The following ZNF423 variants were observed in gnomAD, a reference collection of about 807,000 sequenced individuals.
ZNF423 encodes the protein zinc finger protein 423.
A neutral mutation model predicts 95.8 loss-of-function variants in ZNF423; 12 were observed. The observed-to-expected ratio is 0.13, with a 90% CI of 0.08 to 0.20. ZNF423 has a LOEUF of 0.20. Ranked by LOEUF, ZNF423 falls within the 10% of genes least tolerant of loss-of-function variation. ZNF423 has a pLI of 1.00. For synonymous variants in ZNF423, 749 were observed against 711.9 expected, an observed-to-expected ratio of 1.05 and a Z score of -0.83; for missense variants, 1,316 against 1,737.1, an observed-to-expected ratio of 0.76 and a Z score of 4.31.
chr16:49,665,131 T>C (rs1021272835), intron 3 of ZNF423, among the ~76,000 whole-genome samples: 1 of 152,200 alleles, frequency 6.6e-6, no homozygotes, highest in South Asian at 2.1e-4. Context: ...CAACGGTGCA[T>C]TGAGGCCCAA....
chr16:49,519,444 A>C (rs1419243040), intron 7 of ZNF423, among the ~76,000 whole-genome samples: 1 of 152,144 alleles, frequency 6.6e-6, no homozygotes, highest in Non-Finnish European at 1.5e-5. Context: ...AACTCTCAGC[A>C]TTGTGAGTTT....
At chr16:49,605,426 C>G (rs1971507271) in intron 5 of ZNF423, among the ~76,000 whole-genome samples, 1 of 152,186 alleles carries the variant, frequency 6.6e-6, no homozygotes, top group Non-Finnish European at 1.5e-5. Flanking sequence ...TAAAATGGAC[C>G]ACTTAGTCGT....
chr16:49,623,430 A>G (rs2151861175), intron 5 of ZNF423, among the ~76,000 whole-genome samples: 1 of 152,372 alleles, frequency 6.6e-6, no homozygotes, highest in Non-Finnish European at 1.5e-5. Flanking sequence ...ACTAAAGGCA[A>G]GGTAGAAGAG....
intron 5 of ZNF423, among the ~76,000 whole-genome samples, chr16:49,556,418 T>TTG (rs1281224986): frequency 2.6e-5 from 4 of 152,222 alleles, no homozygotes; most frequent in Non-Finnish European, 5.9e-5. Flanking sequence ...TCTCTCACAT[T>TTG]GATTTGCTAG....
intron 5 of ZNF423, among the ~76,000 whole-genome samples, chr16:49,614,696 T>A (rs1224931082): frequency 6.6e-6 from 1 of 152,230 alleles, no homozygotes; most frequent in African/African-American, 2.4e-5. Flanking sequence ...ATGTTACTGT[T>A]GGGAGAAACT....
chr16:49,697,813 G>C (rs939543470), intron 3 of ZNF423, among the ~76,000 whole-genome samples: 1 of 152,242 alleles, frequency 6.6e-6, no homozygotes, highest in Non-Finnish European at 1.5e-5. Flanking sequence ...CCTTACCTAC[G>C]GTGCGGGCAG....
At chr16:49,762,073 A>C (rs1424264041) in intron 2 of ZNF423, among the ~76,000 whole-genome samples, 1 of 152,192 alleles carries the variant, frequency 6.6e-6, no homozygotes, top group Non-Finnish European at 1.5e-5. Context: ...CAGCATCCCA[A>C]AGTGCTGGGA....
At chr16:49,493,428 C>T (rs1967048424) in intron 7 of ZNF423, among the ~76,000 whole-genome samples, 1 of 152,212 alleles carries the variant, frequency 6.6e-6, no homozygotes, top group Admixed American at 6.5e-5. Context: ...GGACCCAGGG[C>T]TGGGCATGCA....
rs1245463089 is a variant in ZNF423 at position 49,549,315 on chromosome 16, C to T, written c.3602-23821G>A. Among the ~76,000 whole-genome samples, 3 of 152,288 alleles carry T rather than the reference C, an allele frequency of 2.0e-5. No individual in the cohort carries two copies. In the East Asian group the frequency reaches 5.8e-4, roughly 30 times the overall value. ...TGGGGGTCTGGGCTGCAACTCAGGC[C>T]ATGCCCCACCCTGCCTGCACCCCCC... On this transcript the variant is annotated intron_variant, in intron 5 of 7. Coordinates refer to ENST00000563137, the MANE Select transcript of ZNF423 (RefSeq NM_001379286.1).
upstream of ZNF423, among the ~76,000 whole-genome samples, chr16:49,858,465 G>T (rs911145007): frequency 4.6e-5 from 7 of 151,954 alleles, no homozygotes; most frequent in African/African-American, 1.4e-4. This position sits in a 1 kb window ranked among gnomAD's most constrained non-coding sequence, Gnocchi z 4.3. Flanking sequence ...AGGCGCGCGC[G>T]CCCTAGGCAG....
intron 3 of ZNF423, among the ~76,000 whole-genome samples, chr16:49,677,228 A>AAGAGAAGAGAAGAGAAGAGAAGAG (rs2031091665): frequency 1.1e-4 from 6 of 57,100 alleles, no homozygotes; most frequent in Non-Finnish European, 1.7e-4. Flanking sequence ...AGAAACAAGA[A>AAGAGAAGAGAAGAGAAGAGAAGAG]AAGAGAAGAG....
At chr16:49,742,342 G>T (rs1404834292) in intron 2 of ZNF423, among the ~76,000 whole-genome samples, 1 of 152,188 alleles carries the variant, frequency 6.6e-6, no homozygotes, top group African/African-American at 2.4e-5. Flanking sequence ...AGGGAGGGAA[G>T]AGGGGAGGAG....
At chr16:49,815,914 A>ATTTTT (rs58692079) in intron 1 of ZNF423, among the ~76,000 whole-genome samples, 20 of 29,804 alleles carry the variant, frequency 6.7e-4, no homozygotes, top group Non-Finnish European at 8.5e-4. Context: ...ATATATATAT[A>ATTTTT]TTTTTTTTTT....
intron 1 of ZNF423, among the ~76,000 whole-genome samples, chr16:49,853,336 C>T (rs988987992): frequency 1.3e-5 from 2 of 152,212 alleles, no homozygotes; most frequent in South Asian, 4.2e-4. Flanking sequence ...CAATAAATCC[C>T]TCACCTGCTG....
intron 2 of ZNF423, among the ~76,000 whole-genome samples, chr16:49,784,470 A>T (rs970123700): frequency 1.3e-5 from 2 of 152,208 alleles, no homozygotes; most frequent in African/African-American, 4.8e-5. Flanking sequence ...TACCCAAACA[A>T]AATGTGGTCC....
At chr16:49,715,785 C>T (rs545805980) in intron 3 of ZNF423, among the ~76,000 whole-genome samples, 3 of 151,992 alleles carry the variant, frequency 2.0e-5, no homozygotes, top group Admixed American at 1.3e-4. Context: ...CACCTGTAAT[C>T]CCAATACTTT....
intron 3 of ZNF423, among the ~76,000 whole-genome samples, chr16:49,674,400 T>C (rs2030953403): frequency 6.6e-6 from 1 of 152,252 alleles, no homozygotes; most frequent in South Asian, 2.1e-4. Flanking sequence ...CCTGGCCATG[T>C]GCATACGTGT....
At chr16:49,843,576 T>C (rs1029334942) in intron 1 of ZNF423, among the ~76,000 whole-genome samples, 61 of 152,116 alleles carry the variant, frequency 4.0e-4, no homozygotes, top group African/African-American at 1.3e-3. Context: ...ACTGAGAAAC[T>C]AGGAAAACAT....
chr16:49,545,499 T>C (rs867934907), intron 5 of ZNF423, among the ~76,000 whole-genome samples: 38 of 152,262 alleles, frequency 2.5e-4, no homozygotes, highest in African/African-American at 8.9e-4. Flanking sequence ...TACACAGGTG[T>C]CATGCCCAGC....
Sources: gnomAD v4.1 joint callset for allele counts (sites outside exome capture counted in the v4.1 genomes callset) on GRCh38, gnomAD v4.1.1 for gene constraint, Gnocchi (gnomAD v3.1) non-coding constraint, MANE v1.5 for transcripts, NCBI Gene and HGNC (gene_info 2026-07-23, HGNC 2026-07-21) for gene names.